Variants in CTIF observed in about 807,000 individuals in gnomAD.
CTIF encodes CBP80/20-dependent translation initiation factor.
Under a neutral mutation model 66.0 loss-of-function variants are expected in CTIF, and 21 were observed. The ratio of observed to expected loss-of-function variants is 0.32; its 90% CI spans 0.23 to 0.46. The LOEUF (loss-of-function observed/expected upper bound fraction) is 0.46. Among genes scored for constraint, CTIF ranks in the 20% least tolerant of loss-of-function variants. The probability of loss-of-function intolerance (pLI) is 1.00; values close to 1 mark genes in which losing one functional copy is unlikely to be tolerated. For synonymous variants in CTIF, 345 were observed against 326.4 expected (o/e 1.06, Z -0.62); for missense variants, 739 against 812.7 (o/e 0.91, Z 1.10).
At chr18:48,661,920 C>T (rs1300480527) in intron 3 of CTIF, 4 of 152,262 alleles carry the variant, frequency 2.6e-5, no homozygotes, top group Non-Finnish European at 5.9e-5. Context: ...GTGAAAATCT[C>T]TTGCAGTATA....
chr18:48,732,228 C>T (rs1397965374), intron 7 of CTIF, among the ~76,000 whole-genome samples: 1 of 152,192 alleles, frequency 6.6e-6, no homozygotes, highest in Non-Finnish European at 1.5e-5. Flanking sequence ...CTGCAGAAGG[C>T]CTTGCCAGAG....
At chr18:48,626,645 G>GTTT (rs59275308) in intron 2 of CTIF, among the ~76,000 whole-genome samples, 14 of 122,782 alleles carry the variant, frequency 1.1e-4, no homozygotes, top group South Asian at 2.7e-4. Context: ...GCACCTGGCC[G>GTTT]TTTTTTTTTT....
chr18:48,669,829 ATATATATATAT>A (rs2091498847), intron 5 of CTIF, among the ~76,000 whole-genome samples: 2 of 123,214 alleles, frequency 1.6e-5, no homozygotes, highest in Admixed American at 8.0e-5. Context: ...ATATATATAT[ATATATATATAT>A]AAGCTAGACT....
chr18:48,760,190 T>TC (rs927274067), intron 8 of CTIF: 3 of 147,748 alleles, frequency 2.0e-5, no homozygotes, highest in African/African-American at 7.6e-5. Context: ...CCTTTCTTTT[T>TC]TTTTTTTTTT....
chr18:48,781,508 G>A (rs150719459), intron 9 of CTIF, among the ~76,000 whole-genome samples: 2,168 of 152,322 alleles, frequency 0.014, 56 homozygotes, highest in African/African-American at 0.05. Context: ...ATAACAGCCC[G>A]TTCTCTGTGT....
intron 1 of CTIF, among the ~76,000 whole-genome samples, chr18:48,568,664 A>AAAAAAAAAAAAAAC (rs2089338649): frequency 7.7e-6 from 1 of 129,066 alleles, no homozygotes; most frequent in South Asian, 2.5e-4. Flanking sequence ...AAAAAAAAAA[A>AAAAAAAAAAAAAAC]AAAAGAGGTT....
intron 6 of CTIF, chr18:48,682,849 C>T (rs1381337420): frequency 6.6e-6 from 1 of 152,282 alleles, no homozygotes; most frequent in Non-Finnish European, 1.5e-5. Context: ...CTGGAAGGCT[C>T]ATTCCCTTTG....
intron 1 of CTIF, among the ~76,000 whole-genome samples, chr18:48,551,359 A>G (rs1336057541): frequency 6.6e-6 from 1 of 152,062 alleles, no homozygotes; most frequent in Non-Finnish European, 1.5e-5. Context: ...TAGCAAATGA[A>G]TATGGAAGGA....
At chr18:48,676,676 A>G (rs535411505) in intron 6 of CTIF, among the ~76,000 whole-genome samples, 47 of 152,078 alleles carry the variant, frequency 3.1e-4, no homozygotes, top group Non-Finnish European at 5.9e-4. Context: ...GAGGGTCCCC[A>G]GAAGGCTCAG....
intron 9 of CTIF, among the ~76,000 whole-genome samples, chr18:48,777,190 T>C (rs1032766685): frequency 2.6e-5 from 4 of 151,936 alleles, no homozygotes; most frequent in African/African-American, 9.7e-5. Flanking sequence ...TTACAGAGTC[T>C]GGGGCCTGCT....
intron 10 of CTIF, among the ~76,000 whole-genome samples, chr18:48,824,716 C>T (rs1156889823): frequency 6.6e-6 from 1 of 152,032 alleles, no homozygotes; most frequent in Admixed American, 6.5e-5. Flanking sequence ...CTGCCCACTG[C>T]AACCTTCTTC....
At chr18:48,626,645 G>GTTTTTT (rs59275308) in intron 2 of CTIF, among the ~76,000 whole-genome samples, 2 of 122,798 alleles carry the variant, frequency 1.6e-5, no homozygotes, top group African/African-American at 3.3e-5. Context: ...GCACCTGGCC[G>GTTTTTT]TTTTTTTTTT....
At chr18:48,780,693 C>T (rs1213972373) in intron 9 of CTIF, among the ~76,000 whole-genome samples, 1 of 152,224 alleles carries the variant, frequency 6.6e-6, no homozygotes, top group Admixed American at 6.5e-5. Flanking sequence ...CTCAGCCACT[C>T]TCCCAGGCTT....
At chr18:48,640,195 C>A (rs2090901273) in intron 3 of CTIF, among the ~76,000 whole-genome samples, 1 of 152,210 alleles carries the variant, frequency 6.6e-6, no homozygotes, top group Admixed American at 6.5e-5. Context: ...GGGACACCAC[C>A]CATGAGCACC....
At chr18:48,634,466 A>G (rs1469315793) in intron 2 of CTIF, among the ~76,000 whole-genome samples, 3 of 152,212 alleles carry the variant, frequency 2.0e-5, no homozygotes, top group Non-Finnish European at 2.9e-5. Flanking sequence ...AGCCCAGAAA[A>G]TGGCAACCTC....
chr18:48,660,428 G>C (rs1206765743), intron 3 of CTIF, among the ~76,000 whole-genome samples: 1 of 152,234 alleles, frequency 6.6e-6, no homozygotes, highest in East Asian at 1.9e-4. Flanking sequence ...ATGCACGGAA[G>C]GGTGGGCTTC....
At chr18:48,567,866 C>T (rs2089314136) in intron 1 of CTIF, 1 of 152,356 alleles carries the variant, frequency 6.6e-6, no homozygotes, top group Non-Finnish European at 1.5e-5. Flanking sequence ...GAGCAGTACC[C>T]TGGTGCTGGT....
intron 5 of CTIF, among the ~76,000 whole-genome samples, chr18:48,664,929 A>C (rs1187412113): frequency 1.8e-5 from 2 of 112,624 alleles, no homozygotes; most frequent in African/African-American, 3.6e-5. Flanking sequence ...TTTTTTTGAG[A>C]CGGAGTCTCG....
chr18:48,702,402 G>A (rs185424614), intron 6 of CTIF, among the ~76,000 whole-genome samples: 13 of 152,324 alleles, frequency 8.5e-5, no homozygotes, highest in Non-Finnish European at 1.2e-4. Flanking sequence ...TAAGGGGGTC[G>A]TGGAATCCAC....
Sources: allele counts gnomAD v4.1 joint callset (sites outside exome capture counted in the v4.1 genomes callset), GRCh38; gene constraint gnomAD v4.1.1; transcripts MANE v1.5; gene names NCBI Gene and HGNC (gene_info 2026-07-23, HGNC 2026-07-21).